Variants in MORC2 observed in about 807,000 individuals in gnomAD.
MORC2 encodes ATPase MORC2.
A neutral mutation model predicts 136.0 loss-of-function variants in MORC2; 30 were observed. That is an observed-to-expected ratio of 0.22 (90% CI 0.17 to 0.30). The LOEUF is 0.30. MORC2 is among the 10% of genes least tolerant of loss of function. MORC2 has a pLI of 1.00. For missense variants in MORC2, 922 were observed against 1,333.1 expected, an observed-to-expected ratio of 0.69 and a Z score of 4.80; for synonymous variants, 439 against 487.0, an observed-to-expected ratio of 0.90 and a Z score of 1.30.
In MORC2 at chr22:30,934,774, G is replaced by C; in HGVS notation, c.2193+7C>G. ...GGCTGGGGTATTAAAGAGGACAAGCGTCTCACCGGGGAGAGTTTGATGGGT... is the reference window on the plus strand; with the variant it reads ...GGCTGGGGTATTAAAGAGGACAAGCCTCTCACCGGGGAGAGTTTGATGGGT... On this transcript the variant is annotated splice_region_variant and intron_variant, in intron 19 of 25. Coordinates refer to ENST00000397641, the MANE Select transcript of MORC2 (RefSeq NM_001303256.3). The surrounding 1 kb of genome is among the most constrained non-coding windows in gnomAD (Gnocchi z 4.4). The C allele has an allele frequency of 6.2e-7, 1 of 1,613,636 alleles. No homozygotes were observed. The highest frequency in any genetic ancestry group is 1.7e-5 in the Admixed American group (1 of 60,010).
chr22:30,962,108 G>A (rs557460175), intron 1 of MORC2, among the ~76,000 whole-genome samples: 1 of 151,812 alleles, frequency 6.6e-6, no homozygotes, highest in South Asian at 2.1e-4. Context: ...TGAGGCAGGA[G>A]AATCGCTTGA....
At position 30,939,671 on chromosome 22, in the gene MORC2, A is replaced by C; in HGVS notation, c.1023T>G (p.Thr341=). Reference sequence around the variant, plus strand: ...TCTTGACATCGGCTTCTCTGCGCAGAGTGATGGCTCTGTTCTGGACCTGTC... The same window carrying C: ...TCTTGACATCGGCTTCTCTGCGCAGCGTGATGGCTCTGTTCTGGACCTGTC... ...MLRQVQNRAI[T]LRREADVKKR... Residue 341 remains threonine (T), a synonymous_variant, in exon 12 of 26, where the codon ACT becomes ACG. Transcript: ENST00000397641. 1.9e-6 allele frequency: 3 copies of C among 1,614,166 alleles called. No individual in the cohort carries two copies. The highest frequency in any genetic ancestry group is 2.5e-6 in the Non-Finnish European group (3 of 1,180,050).
chr22:30,927,895 G>T, intron 25 of MORC2, 124 bp downstream of exon 25: 2 of 1,206,850 alleles, frequency 1.7e-6, no homozygotes, highest in Non-Finnish European at 2.3e-6. Flanking sequence ...GTGCTGTGCA[G>T]CCAGGGTGAG....
Position 30,932,510 on chromosome 22 carries a change from T to C in MORC2, c.2747+35A>G. 3.1e-6 allele frequency: 5 copies of C among 1,612,714 alleles called. No individual in the cohort carries two copies. Among genetic ancestry groups the C allele is most frequent in the Non-Finnish European group, 4.2e-6 (5 of 1,178,714 alleles). ...CATGGAGCAGGCAGAGAGCTGCTGCTGGCCCTGGGGTGGGAAGACAAAAGA... is the reference window on the plus strand; with the variant it reads ...CATGGAGCAGGCAGAGAGCTGCTGCCGGCCCTGGGGTGGGAAGACAAAAGA... On this transcript the variant is annotated intron_variant, in intron 23 of 25. Transcript: ENST00000397641. The surrounding 1 kb of genome is among the most constrained non-coding windows in gnomAD (Gnocchi z 4.4).
At chr22:30,955,404 T>C (rs2040952102) in intron 3 of MORC2, among the ~76,000 whole-genome samples, 1 of 152,222 alleles carries the variant, frequency 6.6e-6, no homozygotes. Flanking sequence ...ATTGAAGCAG[T>C]ACAGCTGACT....
At chr22:30,950,337 G>GCGGGGGGGCCCCCC in intron 4 of MORC2, 40 bp downstream of exon 4, 1 of 761,736 alleles carries the variant, frequency 1.3e-6, no homozygotes, top group Non-Finnish European at 2.3e-6. Flanking sequence ...TGGTTACATC[G>GCGGGGGGGCCCCCC]CACCCCCCCA....
chr22:30,940,706 A>G, intron 10 of MORC2, 52 bp downstream of exon 10: 1 of 1,526,958 alleles, frequency 6.5e-7, no homozygotes, highest in East Asian at 2.2e-5. Flanking sequence ...GCCCACAAGC[A>G]GCATACCCCA....
rs1431879835 is a variant in MORC2 at position 30,940,741 on chromosome 22, A to T, written c.904+17T>A. 5.6e-6 allele frequency: 9 copies of T among 1,612,362 alleles called. No homozygotes were observed. The African/African-American group carries it at 1.2e-4, about 22-fold the overall frequency. Reference sequence around the variant, plus strand: ...AGATGCACACCCCCCCAACTCCTGCACCCAGAGTGGCATTACCAATCCTTG... The same window carrying T: ...AGATGCACACCCCCCCAACTCCTGCTCCCAGAGTGGCATTACCAATCCTTG... On this transcript the variant is annotated intron_variant, in intron 10 of 25. Coordinates refer to ENST00000397641, the MANE Select transcript of MORC2 (RefSeq NM_001303256.3).
chr22:30,963,514 AGCTGGGATTACAG>A (rs2041080707), intron 1 of MORC2, among the ~76,000 whole-genome samples: 1 of 151,736 alleles, frequency 6.6e-6, no homozygotes, highest in Non-Finnish European at 1.5e-5. Context: ...ACTCCCGAGT[AGCTGGGATTACAG>A]GCACAAGCTA....
chr22:30,935,096 G>C lies in MORC2; in HGVS notation c.1878C>G (p.Pro626=), dbSNP rs1171182565. The part of the protein sequence containing the change: ...PPLPAVIRNA[P]SRPPSLPTPR... ...GAGTTGGCAAAGAAGGGGGTCTGCT[G>C]GGGGCGTTCCTGATCACAGCAGGTA... Residue 626 remains proline, a synonymous_variant, in exon 19 of 26, where the codon CCC becomes CCG. Transcript: ENST00000397641. The C allele has an allele frequency of 1.2e-6, 2 of 1,613,838 alleles. No individual in the cohort carries two copies. Among genetic ancestry groups the C allele is most frequent in the Non-Finnish European group, 1.7e-6 (2 of 1,179,982 alleles).
intron 6 of MORC2, among the ~76,000 whole-genome samples, chr22:30,944,240 C>A (rs1340280050): frequency 6.6e-6 from 1 of 152,194 alleles, no homozygotes; most frequent in Non-Finnish European, 1.5e-5. Context: ...CCTAGCCTCT[C>A]CACCACGGGA....
At chr22:30,965,832 T>A (rs1229984579) in intron 1 of MORC2, among the ~76,000 whole-genome samples, 1 of 152,242 alleles carries the variant, frequency 6.6e-6, no homozygotes, top group Non-Finnish European at 1.5e-5. Context: ...ACTTTTAAAC[T>A]GTGAAGTATA....
chr22:30,967,721 T>A lies in MORC2; in HGVS notation c.68+101A>T. 5.9e-6 allele frequency: 9 copies of A among 1,527,498 alleles called. No individual in the cohort carries two copies. The South Asian group carries it at 1.1e-4, about 19-fold the overall frequency. 94.6% of individuals were successfully genotyped at this position (1,527,498 alleles called of 1,614,324 possible). A position where few individuals can be genotyped will look rare whatever the true frequency, so the allele number is the denominator to read the frequency against. On this transcript the variant is annotated intron_variant, in intron 1 of 25. Transcript: ENST00000397641. ...ACACATTTCACTCCAGTGGGATACATCTCAAAAAGTGAAAAAGCAAAATTT... is the reference window on the plus strand; with the variant it reads ...ACACATTTCACTCCAGTGGGATACAACTCAAAAAGTGAAAAAGCAAAATTT...
chr22:30,933,419 C>A (rs1250821975), intron 21 of MORC2, 47 bp downstream of exon 21: 5 of 1,603,870 alleles, frequency 3.1e-6, no homozygotes, highest in Non-Finnish European at 4.3e-6. Context: ...ACTTCCACTC[C>A]CACTCCCACC....
At position 30,964,860 on chromosome 22, in the gene MORC2, C is replaced by G. The variant is rs139671481; in HGVS notation, c.68+2962G>C. ...GAACTGATGTGCCTAATGACTAGCA[C>G]CAAACAAGTTGCCACCACAGTGACC... On this transcript the variant is annotated intron_variant, in intron 1 of 25. Transcript: ENST00000397641. Among the ~76,000 whole-genome samples the G allele has an allele frequency of 4.6e-5, 7 of 152,288 alleles. No homozygotes were observed. The East Asian group carries it at 1.3e-3, about 29-fold the overall frequency.
At position 30,932,310 on chromosome 22, in the gene MORC2, A is replaced by T; in HGVS notation, c.2841+49T>A. 7.0e-7 allele frequency: 1 copy of T among 1,426,720 alleles called. No individual in the cohort carries two copies. 88.4% of individuals were successfully genotyped at this position (1,426,720 alleles called of 1,614,324 possible). A position where few individuals can be genotyped will look rare whatever the true frequency, so the allele number is the denominator to read the frequency against. On this transcript the variant is annotated intron_variant, in intron 24 of 25. Coordinates refer to ENST00000397641, the MANE Select transcript of MORC2 (RefSeq NM_001303256.3). This position sits in a 1 kb window ranked among gnomAD's most constrained non-coding sequence, Gnocchi z 4.4. ...CAACAGTTACAACAAATGCAGGGGC[A>T]GGGGTGGGGGAATGAAGAGTGTGGA... is the stretch of plus-strand genomic sequence containing the variant.
At position 30,940,792 on chromosome 22, in the gene MORC2, C is replaced by T. The variant is rs766060409; in HGVS notation, c.870G>A (p.Gln290=). ...CTACGTGCTCTGCTTTCTTCACCTCCTGCTCCGCACGGGTCTTGAAACGGC... is the reference window on the plus strand; with the variant it reads ...CTACGTGCTCTGCTTTCTTCACCTCTTGCTCCGCACGGGTCTTGAAACGGC... ...TSSRFKTRAE[Q]EVKKAEHVAR... The change falls in exon 10 of 26, where the codon CAG becomes CAA. Residue 290 remains glutamine, a synonymous_variant. Transcript: ENST00000397641. 23 of 1,614,060 alleles carry T rather than the reference C, an allele frequency of 1.4e-5. No homozygotes were observed. The highest frequency in any genetic ancestry group is 1.8e-5 in the Non-Finnish European group (21 of 1,180,042).
At chr22:30,956,542 T>A (rs572349549) in intron 3 of MORC2, among the ~76,000 whole-genome samples, 1 of 152,250 alleles carries the variant, frequency 6.6e-6, no homozygotes, top group Non-Finnish European at 1.5e-5. Context: ...TAGATTTGGA[T>A]ACCTTGTGTT....
chr22:30,941,412 C>G lies in MORC2; in HGVS notation c.824+21G>C. 6.2e-7 allele frequency: 1 copy of G among 1,612,434 alleles called. No homozygotes were observed. Among genetic ancestry groups the G allele is most frequent in the Middle Eastern group, 1.7e-4 (1 of 6,048 alleles). The stretch of plus-strand genomic sequence containing the variant: ...TCCTCGACCCATGGGAGACAGCAGG[C>G]CAAGGGGCACTGGCCCCTACCTGGG... On this transcript the variant is annotated intron_variant, in intron 9 of 25. Coordinates refer to ENST00000397641, the MANE Select transcript of MORC2 (RefSeq NM_001303256.3). This position sits in a 1 kb window ranked among gnomAD's most constrained non-coding sequence, Gnocchi z 4.6.
Sources: allele counts gnomAD v4.1 joint callset (sites outside exome capture counted in the v4.1 genomes callset), GRCh38; gene constraint gnomAD v4.1.1; non-coding constraint Gnocchi (gnomAD v3.1); transcripts MANE v1.5; gene names NCBI Gene and HGNC (gene_info 2026-07-23, HGNC 2026-07-21).